Variants in RIC8B observed in about 807,000 individuals in gnomAD.
The protein encoded by RIC8B is chaperone Ric-8B.
RIC8B carries 16 observed loss-of-function variants against 57.5 expected under a neutral mutation model. The observed-to-expected ratio is 0.28, with a 90% CI of 0.19 to 0.42. The LOEUF (loss-of-function observed/expected upper bound fraction) is 0.42, where lower values mean the gene tolerates loss of function less well. Among genes scored for constraint, RIC8B ranks in the 10% least tolerant of loss-of-function variants. RIC8B has a pLI of 1.00. For missense variants in RIC8B, 481 were observed against 677.0 expected, an observed-to-expected ratio of 0.71 and a Z score of 3.21; for synonymous variants, 216 against 250.8, an observed-to-expected ratio of 0.86 and a Z score of 1.31.
chr12:106,848,022 C>A (rs1949285083), intron 6 of RIC8B, among the ~76,000 whole-genome samples: 1 of 152,000 alleles, frequency 6.6e-6, no homozygotes, highest in Non-Finnish European at 1.5e-5. Flanking sequence ...GTGACAAGTG[C>A]TATGAGAGAG....
Position 106,887,977 on chromosome 12 carries a change from C to T in RIC8B, c.*1962C>T, listed in dbSNP as rs1451824847. ...GGTGAGTGACCCAGGTTTTAACCAA[C>T]AGCAAAAGAAATGGGCAATTCATAA... On this transcript the variant is annotated 3_prime_UTR_variant, in exon 10 of 10. Transcript: ENST00000392837. 1 of 152,540 alleles carries T rather than the reference C, an allele frequency of 6.6e-6. No homozygotes were observed. Among genetic ancestry groups the T allele is most frequent in the African/African-American group, 2.4e-5 (1 of 41,408 alleles). 9.4% of individuals were successfully genotyped at this position (152,540 alleles called of 1,614,324 possible). A position where few individuals can be genotyped will look rare whatever the true frequency, so the allele number is the denominator to read the frequency against.
chr12:106,776,014 C>T lies in RIC8B; in HGVS notation c.84+1185C>T, dbSNP rs11113112. Among the ~76,000 whole-genome samples, 29 of 152,246 alleles carry T rather than the reference C, an allele frequency of 1.9e-4. No homozygotes were observed. In the East Asian group the frequency reaches 4.8e-3, roughly 25 times the overall value. On this transcript the variant is annotated intron_variant, in intron 1 of 9. Transcript: ENST00000392837. ...AATGGCATACTGGTGGCTGAATTCCCGTTTAATCTTCCCAACAACCCTGGG... is the reference window on the plus strand; with the variant it reads ...AATGGCATACTGGTGGCTGAATTCCTGTTTAATCTTCCCAACAACCCTGGG...
chr12:106,783,267 T>A (rs1489906755), intron 1 of RIC8B, among the ~76,000 whole-genome samples: 2 of 152,228 alleles, frequency 1.3e-5, no homozygotes, highest in Non-Finnish European at 2.9e-5. Flanking sequence ...CCTTAGCTTT[T>A]TTTTAACTGT....
intron 2 of RIC8B, among the ~76,000 whole-genome samples, chr12:106,801,547 G>A (rs980573525): frequency 2.0e-5 from 3 of 152,080 alleles, no homozygotes; most frequent in African/African-American, 7.2e-5. Context: ...CATAGAGACA[G>A]TATCCATTAA....
At chr12:106,836,500 T>C (rs999264166) in intron 4 of RIC8B, among the ~76,000 whole-genome samples, 4 of 152,176 alleles carry the variant, frequency 2.6e-5, no homozygotes, top group Admixed American at 6.5e-5. Context: ...TTGCAGTGTT[T>C]CCCATTTTCA....
chr12:106,792,279 T>C (rs1049896415), intron 2 of RIC8B, among the ~76,000 whole-genome samples: 1 of 152,200 alleles, frequency 6.6e-6, no homozygotes. Context: ...AATTCCACTT[T>C]TAGTTTTAGA....
chr12:106,863,685 G>C (rs1181491672), intron 8 of RIC8B, among the ~76,000 whole-genome samples: 2 of 152,078 alleles, frequency 1.3e-5, no homozygotes, highest in Non-Finnish European at 2.9e-5. Context: ...ACCTGTTACT[G>C]TAAGCAGTCA....
chr12:106,835,043 A>G (rs1233698854), intron 4 of RIC8B, among the ~76,000 whole-genome samples: 1 of 151,032 alleles, frequency 6.6e-6, no homozygotes, highest in African/African-American at 2.4e-5. Flanking sequence ...CCAGTAGATC[A>G]TCTTATGTAC....
At chr12:106,833,803 C>T (rs1004071564) in intron 4 of RIC8B, among the ~76,000 whole-genome samples, 1 of 152,046 alleles carries the variant, frequency 6.6e-6, no homozygotes, top group Non-Finnish European at 1.5e-5. Flanking sequence ...TGGAGGTGGG[C>T]CTAGTGGGAG....
chr12:106,774,689 C>A lies in RIC8B; in HGVS notation c.-57C>A. On this transcript the variant is annotated 5_prime_UTR_variant, in exon 1 of 10. Transcript: ENST00000392837. ...AGCGAGCGGGGGCGCGAGGCGTTTA[C>A]CTGGAGGCAGCGGCTTGGGCGCGCA... is the stretch of plus-strand genomic sequence containing the variant. 7.0e-7 allele frequency: 1 copy of A among 1,433,554 alleles called. No homozygotes were observed. Among genetic ancestry groups the A allele is most frequent in the Non-Finnish European group, 9.6e-7 (1 of 1,043,992 alleles). The allele number at this position is 1,433,554 out of a possible 1,614,324, so 88.8% of individuals were successfully genotyped here. A position where few individuals can be genotyped will look rare whatever the true frequency, so the allele number is the denominator to read the frequency against.
At chr12:106,780,005 A>T (rs2043692032) in intron 1 of RIC8B, among the ~76,000 whole-genome samples, 1 of 150,720 alleles carries the variant, frequency 6.6e-6, no homozygotes, top group Non-Finnish European at 1.5e-5. Context: ...CACAGTGCCC[A>T]GCCCTCAGGA....
chr12:106,805,005 A>G (rs2136242957), intron 2 of RIC8B, among the ~76,000 whole-genome samples: 1 of 152,312 alleles, frequency 6.6e-6, no homozygotes, highest in East Asian at 1.9e-4. Context: ...TAGAGAGTAG[A>G]TTATTGTGCC....
intron 2 of RIC8B, among the ~76,000 whole-genome samples, chr12:106,810,523 A>G (rs530902252): frequency 1.3e-5 from 2 of 152,310 alleles, no homozygotes; most frequent in South Asian, 4.1e-4. Context: ...ATCCCTTAGA[A>G]AAGAAGAATG....
intron 4 of RIC8B, among the ~76,000 whole-genome samples, chr12:106,838,250 A>G (rs1484953685): frequency 1.3e-5 from 2 of 152,202 alleles, no homozygotes; most frequent in African/African-American, 4.8e-5. Flanking sequence ...CTCTTCAATA[A>G]ATGGTTTTGG....
At chr12:106,868,368 C>A (rs1950227800) in intron 8 of RIC8B, 1 of 456,464 alleles carries the variant, frequency 2.2e-6, no homozygotes, top group African/African-American at 2.0e-5. Context: ...ATAGTTAATA[C>A]ATCTACCTTC....
At chr12:106,816,670 A>C (rs2045588464) in intron 3 of RIC8B, among the ~76,000 whole-genome samples, 1 of 152,188 alleles carries the variant, frequency 6.6e-6, no homozygotes, top group African/African-American at 2.4e-5. Context: ...AATTATACCC[A>C]AAATAGTAGC....
rs192414530 is a variant in RIC8B, at chr12:106,864,678, G to T, written c.1451+4266G>T. Reference sequence around the variant, plus strand: ...CTTCATTCTGCCTTTTTACTTTGGGGATAAAATATGTAACATCAAATTTGC... The same window carrying T: ...CTTCATTCTGCCTTTTTACTTTGGGTATAAAATATGTAACATCAAATTTGC... On this transcript the variant is annotated intron_variant, in intron 8 of 9. Transcript: ENST00000392837. Among the ~76,000 whole-genome samples the T allele has an allele frequency of 2.2e-3, 328 of 152,184 alleles. 5 individuals carry two copies. The highest frequency in any genetic ancestry group is 8.4e-4 in the Non-Finnish European group (57 of 67,996).
At position 106,801,924 on chromosome 12, in the gene RIC8B, A is replaced by C. The variant is rs982650168; in HGVS notation, c.133-12772A>C. ...ACATGTACCTCTTGTTCCCCCCTAC[A>C]TACACGTGCTGTATACAGAGGGCAG... On this transcript the variant is annotated intron_variant, in intron 2 of 9. Coordinates refer to ENST00000392837, the MANE Select transcript of RIC8B (RefSeq NM_001330145.2). Among the ~76,000 whole-genome samples, 3 of 152,174 alleles carry C rather than the reference A, an allele frequency of 2.0e-5. No homozygotes were observed. The East Asian group carries it at 5.8e-4, about 29-fold the overall frequency.
chr12:106,789,178 C>T (rs561652558), intron 2 of RIC8B, among the ~76,000 whole-genome samples: 1 of 152,326 alleles, frequency 6.6e-6, no homozygotes, highest in Admixed American at 6.5e-5. Flanking sequence ...ACCTTTGCTC[C>T]ACTTGCAACA....
Sources: gnomAD v4.1 joint callset for allele counts (sites outside exome capture counted in the v4.1 genomes callset) on GRCh38, gnomAD v4.1.1 for gene constraint, MANE v1.5 for transcripts, NCBI Gene and HGNC (gene_info 2026-07-23, HGNC 2026-07-21) for gene names.